The following DNAJC8 variants were observed in gnomAD, a reference collection of about 807,000 sequenced individuals.
The protein encoded by DNAJC8 is dnaJ homolog subfamily C member 8.
A neutral mutation model predicts 43.2 loss-of-function variants in DNAJC8; 24 were observed. The observed-to-expected ratio is 0.56, with a 90% CI of 0.40 to 0.78. DNAJC8 has a LOEUF of 0.78. DNAJC8 is among the 30% of genes least tolerant of loss of function. The pLI is 0.00. For synonymous variants in DNAJC8, 83 were observed against 98.0 expected, an observed-to-expected ratio of 0.85 and a Z score of 0.90; for missense variants, 207 against 299.4, an observed-to-expected ratio of 0.69 and a Z score of 2.28.
chr1:28,208,533 TAAA>T, intron 5 of DNAJC8, 120 bp from the exon 6 acceptor site: 1 of 380,970 alleles, frequency 2.6e-6, no homozygotes, highest in Admixed American at 5.0e-5. Flanking sequence ...AAGTTTTCAT[TAAA>T]AAAAAAAAGA....
Position 28,232,966 on chromosome 1 carries a change from G to A in DNAJC8, c.33C>T (p.Gly11=), listed in dbSNP as rs780827303. 12 of 1,612,882 alleles carry A rather than the reference G, an allele frequency of 7.4e-6. No homozygotes were observed. Among genetic ancestry groups the A allele is most frequent in the South Asian group, 2.2e-5 (2 of 91,074 alleles). MAASGESGTS[G]GGGSTEEAFM... is the part of the protein sequence containing the mutation. ...ATGCTTCCTCGGTGCTGCCTCCGCCGCCTGAAGTCCCGCTCTCTCCTGAAG... is the reference window on the plus strand; with the variant it reads ...ATGCTTCCTCGGTGCTGCCTCCGCCACCTGAAGTCCCGCTCTCTCCTGAAG... The change falls in exon 1 of 9, where the codon GGC becomes GGT. Residue 11 remains glycine (G), a synonymous_variant. Transcript: ENST00000263697.
At chr1:28,213,582 C>T (rs1351882562) in intron 3 of DNAJC8, among the ~76,000 whole-genome samples, 3 of 152,142 alleles carry the variant, frequency 2.0e-5, no homozygotes, top group African/African-American at 4.8e-5. Flanking sequence ...CTGAAAATTA[C>T]ATTCAGCTCT....
chr1:28,204,192 C>A (rs1157735566), intron 7 of DNAJC8, among the ~76,000 whole-genome samples: 2 of 152,162 alleles, frequency 1.3e-5, no homozygotes, highest in African/African-American at 4.8e-5. Context: ...GATCTCTGGA[C>A]AAAACCCTAT....
Position 28,228,348 on chromosome 1 carries a change from C to CAAAA in DNAJC8, c.180+570_180+573dup, listed in dbSNP as rs78440134. 2.4e-4 allele frequency among the ~76,000 whole-genome samples: 18 copies of CAAAA among 74,646 alleles called. 1 individual carries two copies. Among genetic ancestry groups the CAAAA allele is most frequent in the African/African-American group, 4.3e-4 (9 of 20,976 alleles). 49.0% of individuals were successfully genotyped at this position (74,646 alleles called of 152,430 possible). On this transcript the variant is annotated intron_variant, in intron 2 of 8. Transcript: ENST00000263697. The stretch of plus-strand genomic sequence containing the variant: ...TGGGGGACAGAGCAAGACTCCGTCT[C>CAAAA]AAAAAAAAAAAAAAAAAAAAAGAAT...
intron 1 of DNAJC8, among the ~76,000 whole-genome samples, chr1:28,230,660 G>C (rs1196622611): frequency 6.6e-6 from 1 of 152,014 alleles, no homozygotes; most frequent in African/African-American, 2.4e-5. Flanking sequence ...TTTGAGAAGG[G>C]GTCTTGCTCT....
chr1:28,210,127 C>T (rs575753265), intron 4 of DNAJC8, 61 bp from the exon 5 acceptor site: 9 of 1,451,734 alleles, frequency 6.2e-6, no homozygotes, highest in African/African-American at 4.2e-5. Flanking sequence ...CTGAACTATA[C>T]TCAGGCAGTG....
chr1:28,206,952 A>T (rs920824370), intron 6 of DNAJC8, among the ~76,000 whole-genome samples: 9 of 152,200 alleles, frequency 5.9e-5, no homozygotes, highest in African/African-American at 1.9e-4. Context: ...TGTAATGAAT[A>T]GCTCAGTATA....
At chr1:28,220,014 T>C (rs1186134334) in intron 2 of DNAJC8, among the ~76,000 whole-genome samples, 1 of 122,312 alleles carries the variant, frequency 8.2e-6, no homozygotes, top group East Asian at 1.9e-4. Flanking sequence ...CAATGGGTGA[T>C]AGTGTTGTGG....
intron 6 of DNAJC8, 57 bp from the exon 7 acceptor site, chr1:28,205,406 G>C: frequency 6.6e-6 from 9 of 1,363,958 alleles, no homozygotes; most frequent in Non-Finnish European, 8.3e-6. Flanking sequence ...CCAGCAACTT[G>C]AACCATGTAC....
At chr1:28,211,866 T>A (rs1441599725) in intron 3 of DNAJC8, among the ~76,000 whole-genome samples, 1 of 152,028 alleles carries the variant, frequency 6.6e-6, no homozygotes, top group African/African-American at 2.4e-5. Context: ...AAATATATAG[T>A]CAGTGTCTGC....
At chr1:28,230,960 C>G (rs1646969660) in intron 1 of DNAJC8, among the ~76,000 whole-genome samples, 1 of 152,226 alleles carries the variant, frequency 6.6e-6, no homozygotes, top group Admixed American at 6.5e-5. Context: ...CCATGCCACC[C>G]TACAGAGGTC....
intron 2 of DNAJC8, among the ~76,000 whole-genome samples, chr1:28,216,556 T>C (rs1473965965): frequency 6.6e-6 from 1 of 152,134 alleles, no homozygotes; most frequent in Non-Finnish European, 1.5e-5. Flanking sequence ...TTTTTAAAAA[T>C]AAATTTTGCT....
intron 8 of DNAJC8, among the ~76,000 whole-genome samples, chr1:28,201,876 T>C (rs1279008151): frequency 6.7e-6 from 1 of 149,068 alleles, no homozygotes; most frequent in Non-Finnish European, 1.5e-5. Flanking sequence ...TCACCTGAGG[T>C]TGGGAGTTCG....
In DNAJC8 at chr1:28,200,401, C is replaced by A; in HGVS notation, c.*847G>T. 1 of 445,366 alleles carries A rather than the reference C, an allele frequency of 2.2e-6. No homozygotes were observed. The highest frequency in any genetic ancestry group is 1.6e-5 in the South Asian group (1 of 63,118). 27.6% of individuals were successfully genotyped at this position (445,366 alleles called of 1,614,324 possible). A position where few individuals can be genotyped will look rare whatever the true frequency, so the allele number is the denominator to read the frequency against. ...TTACCTTGTATATGCCATGGCAAATCTGCCCTAAAAGCTGCTGCAGTAATT... is the reference window on the plus strand; with the variant it reads ...TTACCTTGTATATGCCATGGCAAATATGCCCTAAAAGCTGCTGCAGTAATT... On this transcript the variant is annotated 3_prime_UTR_variant, in exon 9 of 9. Transcript: ENST00000263697.
chr1:28,201,456 T>C, intron 8 of DNAJC8, 86 bp from the exon 9 acceptor site: 1 of 1,583,266 alleles, frequency 6.3e-7, no homozygotes, highest in Non-Finnish European at 8.6e-7. Context: ...CACCCTCCTG[T>C]AGCCCAGCCC....
intron 8 of DNAJC8, among the ~76,000 whole-genome samples, chr1:28,202,481 G>GT (rs1557704431): frequency 6.7e-6 from 1 of 150,162 alleles, no homozygotes; most frequent in Non-Finnish European, 1.5e-5. Context: ...GGGTTTCACC[G>GT]TGTTAGCCAG....
In DNAJC8 at chr1:28,215,828, C is replaced by T. The variant is rs531892926; in HGVS notation, c.181-832G>A. 1.8e-4 allele frequency among the ~76,000 whole-genome samples: 27 copies of T among 151,312 alleles called. No homozygotes were observed. The East Asian group carries it at 2.0e-3, about 11-fold the overall frequency. On this transcript the variant is annotated intron_variant, in intron 2 of 8. Transcript: ENST00000263697. Reference sequence around the variant, plus strand: ...CTGGGATTACAGGTGTGAGCCACCGCGCCCAGCCTTAAGCAACACTTCTTT... The same window carrying T: ...CTGGGATTACAGGTGTGAGCCACCGTGCCCAGCCTTAAGCAACACTTCTTT...
At chr1:28,203,008 G>A (rs1646747386) in intron 8 of DNAJC8, among the ~76,000 whole-genome samples, 1 of 152,188 alleles carries the variant, frequency 6.6e-6, no homozygotes, top group South Asian at 2.1e-4. Flanking sequence ...CTAGCTAGCA[G>A]TACAGCTACT....
At chr1:28,216,721 A>G (rs1051323743) in intron 2 of DNAJC8, among the ~76,000 whole-genome samples, 2 of 151,834 alleles carry the variant, frequency 1.3e-5, no homozygotes, top group African/African-American at 4.8e-5. Flanking sequence ...TATGCTGGAT[A>G]AAGTTACTTG....
Sources: allele counts gnomAD v4.1 joint callset (sites outside exome capture counted in the v4.1 genomes callset), GRCh38; gene constraint gnomAD v4.1.1; transcripts MANE v1.5; gene names NCBI Gene and HGNC (gene_info 2026-07-23, HGNC 2026-07-21).